Variants in ZNF704 observed in about 807,000 individuals in gnomAD.
ZNF704 encodes the protein glucocorticoid induced gene 1.
ZNF704 carries 10 observed loss-of-function variants against 44.7 expected under a neutral mutation model. That is an observed-to-expected ratio of 0.22 (90% CI 0.14 to 0.38). The LOEUF is 0.38. Among genes scored for constraint, ZNF704 ranks in the 10% least tolerant of loss-of-function variants. The probability of loss-of-function intolerance (pLI) is 1.00; values close to 1 mark genes in which losing one functional copy is unlikely to be tolerated. For synonymous variants in ZNF704, 211 were observed against 207.6 expected (o/e 1.02, Z -0.14); for missense variants, 390 against 545.5 (o/e 0.71, Z 2.84).
At chr8:80,676,814 G>A (rs571559182) in intron 4 of ZNF704, among the ~76,000 whole-genome samples, 18 of 152,194 alleles carry the variant, frequency 1.2e-4, no homozygotes, top group South Asian at 4.1e-4. Flanking sequence ...TAAGGAGCGC[G>A]CAATCTGGTT....
intron 7 of ZNF704, among the ~76,000 whole-genome samples, chr8:80,657,276 AC>A (rs927483536): frequency 8.6e-5 from 13 of 151,998 alleles, no homozygotes; most frequent in African/African-American, 2.7e-4. Flanking sequence ...TGAAAATTCC[AC>A]CCCACCCTTA....
chr8:80,663,519 G>A (rs1460851806), intron 6 of ZNF704, among the ~76,000 whole-genome samples: 1 of 152,092 alleles, frequency 6.6e-6, no homozygotes, highest in Non-Finnish European at 1.5e-5. Flanking sequence ...GGGTTGGTGG[G>A]GGGCACAGAG....
At chr8:80,651,515 C>T (rs1409199448) in intron 7 of ZNF704, among the ~76,000 whole-genome samples, 3 of 152,030 alleles carry the variant, frequency 2.0e-5, no homozygotes, top group African/African-American at 7.2e-5. Context: ...GGGGTTGCAA[C>T]CCTGGTCTCT....
At chr8:80,757,684 G>A (rs898050162) in intron 2 of ZNF704, among the ~76,000 whole-genome samples, 3 of 152,076 alleles carry the variant, frequency 2.0e-5, no homozygotes, top group African/African-American at 7.2e-5. Flanking sequence ...CATGGTAAAT[G>A]CCCTACACAG....
At chr8:80,650,089 T>G in intron 7 of ZNF704, among the ~76,000 whole-genome samples, 1 of 152,186 alleles carries the variant, frequency 6.6e-6, no homozygotes, top group Admixed American at 6.5e-5. Context: ...CCAACAGACC[T>G]GCAGCTGAGG....
At chr8:80,765,854 A>G (rs1807218234) in intron 2 of ZNF704, among the ~76,000 whole-genome samples, 1 of 152,220 alleles carries the variant, frequency 6.6e-6, no homozygotes, top group Non-Finnish European at 1.5e-5. Context: ...TTATAAAAAT[A>G]ATAGCTACCA....
intron 2 of ZNF704, among the ~76,000 whole-genome samples, chr8:80,712,875 TTTG>T (rs1244485902): frequency 1.3e-5 from 2 of 151,542 alleles, no homozygotes; most frequent in African/African-American, 4.9e-5. Flanking sequence ...TAGGGGTTTT[TTTG>T]TTTGTTTGTT....
At chr8:80,645,839 C>T (rs1248029663) in intron 7 of ZNF704, among the ~76,000 whole-genome samples, 1 of 152,110 alleles carries the variant, frequency 6.6e-6, no homozygotes, top group Non-Finnish European at 1.5e-5. Context: ...TTTTCCCAGA[C>T]ATTAATTTTA....
At chr8:80,663,486 A>G (rs1818133976) in intron 6 of ZNF704, among the ~76,000 whole-genome samples, 1 of 151,902 alleles carries the variant, frequency 6.6e-6, no homozygotes, top group East Asian at 1.9e-4. Flanking sequence ...GATTCCCTGG[A>G]GGGCCTGTTA....
intron 5 of ZNF704, among the ~76,000 whole-genome samples, chr8:80,668,014 A>G (rs1818222382): frequency 6.6e-6 from 1 of 152,240 alleles, no homozygotes; most frequent in South Asian, 2.1e-4. Context: ...AATTTTCACC[A>G]TCACCAGGAA....
chr8:80,663,635 T>A (rs540765764), intron 6 of ZNF704, among the ~76,000 whole-genome samples: 1 of 152,304 alleles, frequency 6.6e-6, no homozygotes, highest in Admixed American at 6.5e-5. Context: ...TACTCTAATC[T>A]GAAATGCTTA....
At chr8:80,842,131 G>A (rs1485932514) in intron 1 of ZNF704, among the ~76,000 whole-genome samples, 1 of 151,982 alleles carries the variant, frequency 6.6e-6, no homozygotes, top group East Asian at 1.9e-4. Flanking sequence ...CAGTATTCCT[G>A]GCTAAACTAT....
chr8:80,791,626 A>T (rs1247889043), intron 2 of ZNF704, among the ~76,000 whole-genome samples: 1 of 152,166 alleles, frequency 6.6e-6, no homozygotes, highest in Non-Finnish European at 1.5e-5. Flanking sequence ...ACCTATACAC[A>T]GCAAAACACT....
chr8:80,785,646 C>T (rs1807602322), intron 2 of ZNF704, among the ~76,000 whole-genome samples: 1 of 152,156 alleles, frequency 6.6e-6, no homozygotes. Context: ...ACTGGCAGAT[C>T]CTTCTGTTAG....
intron 2 of ZNF704, among the ~76,000 whole-genome samples, chr8:80,705,040 C>T (rs1818873736): frequency 6.6e-6 from 1 of 152,094 alleles, no homozygotes; most frequent in South Asian, 2.1e-4. Context: ...TAGACAGTGT[C>T]ACATTTGAAT....
At chr8:80,680,585 G>A (rs1818437790) in intron 4 of ZNF704, among the ~76,000 whole-genome samples, 1 of 152,064 alleles carries the variant, frequency 6.6e-6, no homozygotes, top group African/African-American at 2.4e-5. Context: ...GGCTCTTTCA[G>A]GGTCAAGAGG....
At chr8:80,867,876 T>C (rs1004523930) in intron 1 of ZNF704, among the ~76,000 whole-genome samples, 3 of 152,260 alleles carry the variant, frequency 2.0e-5, no homozygotes, top group Admixed American at 1.3e-4. Flanking sequence ...TATTATCTCA[T>C]TTAAAAGCCT....
At chr8:80,823,710 T>A (rs895181659) in intron 1 of ZNF704, among the ~76,000 whole-genome samples, 10 of 152,104 alleles carry the variant, frequency 6.6e-5, no homozygotes, top group Admixed American at 6.5e-4. Context: ...TGGGTGCCCC[T>A]CTGAGACGAA....
chr8:80,821,855 G>A (rs1021726470), intron 1 of ZNF704, among the ~76,000 whole-genome samples: 4 of 152,016 alleles, frequency 2.6e-5, no homozygotes, highest in African/African-American at 9.7e-5. Context: ...ATGCCTCCCA[G>A]GTATACAAAA....
Sources: gnomAD v4.1 joint callset for allele counts (sites outside exome capture counted in the v4.1 genomes callset) on GRCh38, gnomAD v4.1.1 for gene constraint, MANE v1.5 for transcripts, NCBI Gene and HGNC (gene_info 2026-07-23, HGNC 2026-07-21) for gene names.